CACNG3: variants seen among roughly 807,000 people sequenced by gnomAD.
CACNG3 encodes the protein voltage-dependent calcium channel gamma-3 subunit.
Under a neutral mutation model 28.5 loss-of-function variants are expected in CACNG3, and 3 were observed. That is an observed-to-expected ratio of 0.11 (90% CI 0.05 to 0.27). The LOEUF (loss-of-function observed/expected upper bound fraction) is 0.27. Among genes scored for constraint, CACNG3 ranks in the 10% least tolerant of loss-of-function variants. The pLI, the probability that CACNG3 is intolerant of heterozygous loss-of-function variation, is 1.00. For missense variants in CACNG3, 236 were observed against 414.4 expected (o/e 0.57, Z 3.74); for synonymous variants, 174 against 162.2 (o/e 1.07, Z -0.55).
intron 1 of CACNG3, among the ~76,000 whole-genome samples, chr16:24,342,330 T>C (rs1289608045): frequency 1.3e-5 from 2 of 152,124 alleles, no homozygotes. Context: ...AAAAATAAAA[T>C]GTGCAAAAGA....
At chr16:24,317,652 G>C (rs865842148) in intron 1 of CACNG3, among the ~76,000 whole-genome samples, 1 of 41,938 alleles carries the variant, frequency 2.4e-5, no homozygotes, top group Non-Finnish European at 4.7e-5. Flanking sequence ...GAAAAGAAAA[G>C]AAAGAAAGAA....
At chr16:24,351,698 GAGAA>G (rs150921428) in intron 2 of CACNG3, among the ~76,000 whole-genome samples, 33,028 of 134,930 alleles carry the variant, frequency 0.24, 4,947 homozygotes, top group South Asian at 0.41. Flanking sequence ...AAGAAAGAAA[GAGAA>G]AGAAAGAAAG....
At chr16:24,323,219 CAAAAAAAAA>C (rs761999416) in intron 1 of CACNG3, among the ~76,000 whole-genome samples, 2 of 66,794 alleles carry the variant, frequency 3.0e-5, no homozygotes, top group African/African-American at 1.2e-4. Flanking sequence ...GAGCAGGACT[CAAAAAAAAA>C]AAAAAAAAAA....
intron 2 of CACNG3, among the ~76,000 whole-genome samples, chr16:24,352,322 C>A (rs1022827418): frequency 6.6e-6 from 1 of 151,972 alleles, no homozygotes; most frequent in Non-Finnish European, 1.5e-5. Flanking sequence ...GGCCCCACCC[C>A]ATTCCCTAGA....
At chr16:24,293,654 C>T (rs1187376187) in intron 1 of CACNG3, among the ~76,000 whole-genome samples, 4 of 152,134 alleles carry the variant, frequency 2.6e-5, no homozygotes, top group African/African-American at 9.7e-5. Context: ...AAAACCTACA[C>T]TAGAAGATAT....
chr16:24,266,551 A>C (rs1489958964), intron 1 of CACNG3, among the ~76,000 whole-genome samples: 1 of 152,186 alleles, frequency 6.6e-6, no homozygotes, highest in Admixed American at 6.5e-5. Flanking sequence ...AAGAGGGAAA[A>C]CGATACCCTA....
intron 1 of CACNG3, among the ~76,000 whole-genome samples, chr16:24,271,170 T>G (rs1450025104): frequency 6.6e-6 from 1 of 152,212 alleles, no homozygotes. Flanking sequence ...CTGCACTATT[T>G]GCTGTTTGAC....
chr16:24,284,069 C>T (rs979879922), intron 1 of CACNG3, among the ~76,000 whole-genome samples: 8 of 152,088 alleles, frequency 5.3e-5, no homozygotes, highest in African/African-American at 1.7e-4. Flanking sequence ...TAATGTCTTT[C>T]GTATTGGCCT....
At chr16:24,347,381 G>A (rs1254607253) in intron 2 of CACNG3, among the ~76,000 whole-genome samples, 8 of 151,992 alleles carry the variant, frequency 5.3e-5, no homozygotes, top group Non-Finnish European at 8.8e-5. Flanking sequence ...AGAAAGAGAA[G>A]GGAGGAAGGA....
chr16:24,340,410 T>C (rs1899768531), intron 1 of CACNG3, among the ~76,000 whole-genome samples: 1 of 152,002 alleles, frequency 6.6e-6, no homozygotes, highest in African/African-American at 2.4e-5. Context: ...AATAAATAAA[T>C]AAAATAATTT....
At chr16:24,305,853 T>C (rs1899178770) in intron 1 of CACNG3, among the ~76,000 whole-genome samples, 1 of 152,186 alleles carries the variant, frequency 6.6e-6, no homozygotes, top group Non-Finnish European at 1.5e-5. Context: ...AATTATTTTA[T>C]AGAGATGAGG....
At chr16:24,344,758 TG>T (rs2141379185) in intron 1 of CACNG3, among the ~76,000 whole-genome samples, 1 of 152,344 alleles carries the variant, frequency 6.6e-6, no homozygotes, top group East Asian at 1.9e-4. Context: ...GAAATGGCTC[TG>T]GCCTGGAGCC....
rs1377665389 is a variant in CACNG3, at chr16:24,346,611, G to GCCCAACAACCCTACAGCC, written c.212-112_212-95dup. On this transcript the variant is annotated intron_variant, in intron 1 of 3. Coordinates refer to ENST00000005284, the MANE Select transcript of CACNG3 (RefSeq NM_006539.4). ...AATAAAGGTGCTCTTGGGCCTACCAGCCCAACAACCCTACAGCCCCCAACA... is the reference window on the plus strand; with the variant it reads ...AATAAAGGTGCTCTTGGGCCTACCAGCCCAACAACCCTACAGCCCCCAACAACCCTACAGCCCCCAACA... The GCCCAACAACCCTACAGCC allele has an allele frequency of 2.5e-5, 17 of 667,778 alleles. No individual in the cohort carries two copies. In the East Asian group the frequency reaches 4.6e-4, roughly 18 times the overall value. 41.4% of individuals were successfully genotyped at this position (667,778 alleles called of 1,614,324 possible). A position where few individuals can be genotyped will look rare whatever the true frequency, so the allele number is the denominator to read the frequency against.
At chr16:24,314,710 T>C (rs1451308526) in intron 1 of CACNG3, among the ~76,000 whole-genome samples, 1 of 148,964 alleles carries the variant, frequency 6.7e-6, no homozygotes, top group African/African-American at 2.5e-5. Context: ...TTTTGAAGCC[T>C]GGCAAATTCT....
rs544152759 is a variant in CACNG3, at chr16:24,267,322, C to G, written c.211+10357C>G. Among the ~76,000 whole-genome samples, 4 of 152,278 alleles carry G rather than the reference C, an allele frequency of 2.6e-5. No homozygotes were observed. The East Asian group carries it at 5.8e-4, about 22-fold the overall frequency. Reference sequence around the variant, plus strand: ...AATTGTTTTGAGACAGGGTCTTGCTCTATTGCCCAGGCTGAAGTTCAGTGG... The same window carrying G: ...AATTGTTTTGAGACAGGGTCTTGCTGTATTGCCCAGGCTGAAGTTCAGTGG... On this transcript the variant is annotated intron_variant, in intron 1 of 3. Transcript: ENST00000005284.
At chr16:24,354,720 G>C (rs929598030) in intron 2 of CACNG3, 113 bp from the exon 3 acceptor site, 9 of 1,054,878 alleles carry the variant, frequency 8.5e-6, no homozygotes, top group Non-Finnish European at 1.2e-5. Context: ...TGTTAGACAT[G>C]GGCTCTGTTC....
intron 1 of CACNG3, among the ~76,000 whole-genome samples, chr16:24,260,547 C>A (rs898703397): frequency 1.3e-5 from 2 of 152,248 alleles, no homozygotes; most frequent in African/African-American, 4.8e-5. Flanking sequence ...AGTCGTGCTG[C>A]CTCTCTGAGT....
intron 1 of CACNG3, among the ~76,000 whole-genome samples, chr16:24,307,986 C>T (rs1899208887): frequency 6.6e-6 from 1 of 152,022 alleles, no homozygotes; most frequent in Admixed American, 6.6e-5. Flanking sequence ...CTTTTTTGGT[C>T]CAATGGTGCA....
At chr16:24,265,521 GAAGAA>G (rs775572580) in intron 1 of CACNG3, among the ~76,000 whole-genome samples, 1 of 151,598 alleles carries the variant, frequency 6.6e-6, no homozygotes, top group Non-Finnish European at 1.5e-5. Context: ...AAGAAAGAAA[GAAGAA>G]AGCAAGCTAG....
Sources: allele counts gnomAD v4.1 joint callset (sites outside exome capture counted in the v4.1 genomes callset), GRCh38; gene constraint gnomAD v4.1.1; transcripts MANE v1.5; gene names NCBI Gene and HGNC (gene_info 2026-07-23, HGNC 2026-07-21).